Variants in ANKRD55 observed in about 807,000 individuals in gnomAD.
ANKRD55 encodes the protein ankyrin repeat domain 55, also known as ankyrin repeat domain-containing protein 55.
In ANKRD55, 41 loss-of-function variants were observed where a neutral mutation model predicts 60.6. The observed-to-expected ratio is 0.68, with a 90% CI of 0.53 to 0.88. The LOEUF (loss-of-function observed/expected upper bound fraction) is 0.88. Ranked by LOEUF, ANKRD55 falls within the 40% of genes least tolerant of loss-of-function variation. The pLI, the probability that ANKRD55 is intolerant of heterozygous loss-of-function variation, is 0.00. For synonymous variants in ANKRD55, 264 were observed against 290.3 expected, an observed-to-expected ratio of 0.91 and a Z score of 0.92; for missense variants, 732 against 767.6, an observed-to-expected ratio of 0.95 and a Z score of 0.55.
chr5:56,135,280 C>CTGCCTGCT (rs1561263887), intron 7 of ANKRD55, among the ~76,000 whole-genome samples: 2 of 48,398 alleles, frequency 4.1e-5, no homozygotes, highest in East Asian at 1.1e-3. Flanking sequence ...CCCTCCCTCC[C>CTGCCTGCT]TGCCTGCCTG....
At chr5:56,154,343 C>T (rs756457364) in intron 6 of ANKRD55, among the ~76,000 whole-genome samples, 1 of 151,274 alleles carries the variant, frequency 6.6e-6, no homozygotes, top group Non-Finnish European at 1.5e-5. Flanking sequence ...AAAAGACAGA[C>T]GAGAGAAGAT....
At chr5:56,202,263 T>TAA (rs2111859669) in intron 2 of ANKRD55, among the ~76,000 whole-genome samples, 1 of 152,226 alleles carries the variant, frequency 6.6e-6, no homozygotes, top group East Asian at 1.9e-4. Context: ...TTTACCTATG[T>TAA]AACAAACCTG....
chr5:56,191,484 G>A (rs1324960563), intron 2 of ANKRD55, among the ~76,000 whole-genome samples: 2 of 151,998 alleles, frequency 1.3e-5, no homozygotes, highest in Non-Finnish European at 2.9e-5. Flanking sequence ...GTTGTTTTTC[G>A]AAGGGCTTTT....
chr5:56,106,904 T>C (rs1428997533), intron 10 of ANKRD55, among the ~76,000 whole-genome samples: 2 of 151,118 alleles, frequency 1.3e-5, no homozygotes, highest in African/African-American at 4.9e-5. Flanking sequence ...TCCAGTTACA[T>C]GGGAGGTTGA....
intron 2 of ANKRD55, among the ~76,000 whole-genome samples, chr5:56,214,255 C>T (rs547375598): frequency 6.6e-6 from 1 of 152,308 alleles, no homozygotes; most frequent in East Asian, 1.9e-4. Flanking sequence ...GCCACGAATT[C>T]ATTAGAGAGG....
chr5:56,122,571 A>G (rs1407861506), intron 8 of ANKRD55, among the ~76,000 whole-genome samples: 1 of 151,978 alleles, frequency 6.6e-6, no homozygotes, highest in Non-Finnish European at 1.5e-5. Flanking sequence ...AGACAGGAGA[A>G]TCGCTTGAAC....
At chr5:56,162,099 A>G (rs991334969) in intron 5 of ANKRD55, 23 of 936,724 alleles carry the variant, frequency 2.5e-5, no homozygotes, top group Non-Finnish European at 2.8e-5. Context: ...GGGAAGGGCA[A>G]GGCAGGAGGT....
chr5:56,112,503 G>GAAAAAAAAAAAAAAAAAAAAAAAAA (rs1479176978), intron 9 of ANKRD55, among the ~76,000 whole-genome samples: 3 of 4,264 alleles, frequency 7.0e-4, no homozygotes, highest in Non-Finnish European at 1.2e-3. Context: ...CTCATCTCTA[G>GAAAAAAAAAAAAAAAAAAAAAAAAA]CAAAAAAAAA....
intron 2 of ANKRD55, among the ~76,000 whole-genome samples, chr5:56,185,253 G>C (rs1401991211): frequency 6.6e-6 from 1 of 151,916 alleles, no homozygotes; most frequent in African/African-American, 2.4e-5. Context: ...AAAGAACTGT[G>C]GGTCAAGTGG....
chr5:56,230,834 A>G (rs1366162246), intron 2 of ANKRD55, among the ~76,000 whole-genome samples: 2 of 152,222 alleles, frequency 1.3e-5, no homozygotes, highest in African/African-American at 4.8e-5. Context: ...ATTCAGGCTG[A>G]AGGTAGAGAG....
At chr5:56,182,234 G>A (rs552518649) in intron 3 of ANKRD55, among the ~76,000 whole-genome samples, 4 of 151,206 alleles carry the variant, frequency 2.6e-5, no homozygotes, top group South Asian at 2.1e-4. Context: ...TATCTTTTTC[G>A]GGGGGGATTT....
intron 7 of ANKRD55, chr5:56,127,409 G>C (rs938923363): frequency 1.0e-6 from 1 of 984,998 alleles, no homozygotes; most frequent in African/African-American, 1.8e-5. Context: ...ACTGACGTCA[G>C]AGCTAGAGTG....
At chr5:56,208,073 A>T (rs1759558140) in intron 2 of ANKRD55, among the ~76,000 whole-genome samples, 1 of 152,086 alleles carries the variant, frequency 6.6e-6, no homozygotes, top group Admixed American at 6.5e-5. Flanking sequence ...CATTTTCTAA[A>T]TATTTTCATT....
At chr5:56,192,740 T>G in intron 2 of ANKRD55, 4 of 1,326,912 alleles carry the variant, frequency 3.0e-6, no homozygotes, top group Non-Finnish European at 4.3e-6. Context: ...ACAAATGAAC[T>G]TCAATGCAGA....
intron 7 of ANKRD55, among the ~76,000 whole-genome samples, chr5:56,132,279 C>T (rs932169395): frequency 5.3e-5 from 8 of 151,652 alleles, no homozygotes; most frequent in Admixed American, 2.0e-4. Context: ...TAGAATAATA[C>T]AAAATGCTAA....
intron 5 of ANKRD55, 62 bp downstream of exon 5, chr5:56,170,632 T>G: frequency 7.5e-7 from 1 of 1,341,618 alleles, no homozygotes; most frequent in Admixed American, 1.8e-5. Flanking sequence ...ATGGATTAGA[T>G]GACCTTCTCA....
chr5:56,172,536 T>G (rs1758633614), intron 4 of ANKRD55, among the ~76,000 whole-genome samples: 1 of 152,144 alleles, frequency 6.6e-6, no homozygotes, highest in Non-Finnish European at 1.5e-5. Context: ...AAAATCATAT[T>G]GCAACATTTC....
intron 2 of ANKRD55, among the ~76,000 whole-genome samples, chr5:56,203,904 T>C (rs1561291275): frequency 6.6e-6 from 1 of 152,146 alleles, no homozygotes; most frequent in Non-Finnish European, 1.5e-5. Flanking sequence ...CCCTGAGGAA[T>C]CGCCACACTG....
chr5:56,145,426 G>T (rs948203205), intron 6 of ANKRD55, among the ~76,000 whole-genome samples: 1 of 152,190 alleles, frequency 6.6e-6, no homozygotes, highest in Non-Finnish European at 1.5e-5. Context: ...ATGCAGAGGA[G>T]GACAAGGCTC....
Sources: gnomAD v4.1 joint callset for allele counts (sites outside exome capture counted in the v4.1 genomes callset) on GRCh38, gnomAD v4.1.1 for gene constraint, MANE v1.5 for transcripts, NCBI Gene and HGNC (gene_info 2026-07-23, HGNC 2026-07-21) for gene names.